Variants in CTNNA3 observed in about 807,000 individuals in gnomAD.
The protein encoded by CTNNA3 is catenin alpha 3, also known as catenin alpha-3.
Under a neutral mutation model 95.7 loss-of-function variants are expected in CTNNA3, and 76 were observed. The observed-to-expected ratio is 0.79, with a 90% confidence interval of 0.66 to 0.96. The LOEUF (loss-of-function observed/expected upper bound fraction) is 0.96. Ranked by LOEUF, CTNNA3 falls within the 40% of genes least tolerant of loss-of-function variation. The probability of loss-of-function intolerance (pLI) is 0.00; values close to 1 mark genes in which losing one functional copy is unlikely to be tolerated. For missense variants in CTNNA3, 1,191 were observed against 1,089.8 expected (o/e 1.09, Z -1.31); for synonymous variants, 431 against 374.4 (o/e 1.15, Z -1.74).
Position 66,103,195 on chromosome 10 carries a change from T to C in CTNNA3, c.1939A>G (p.Ser647Gly), listed in dbSNP as rs376927818. 6.2e-7 allele frequency: 1 copy of C among 1,614,166 alleles called. No homozygotes were observed. Among genetic ancestry groups the C allele is most frequent in the Non-Finnish European group, 8.5e-7 (1 of 1,180,008 alleles). The change falls in exon 14 of 18, where the codon AGT (serine) becomes GGT (glycine). Residue 647 changes from serine to glycine, a missense_variant. Transcript: ENST00000433211. ...CCTTCGGTCTGAATGCTGGTGTGAC[T>C]GCGGACCTCGTGTTCCTCTTCAAGG... ...SDLEEEHEVR[S>G]HTSIQTEGKT...
chr10:66,335,333 G>A (rs530081068), intron 12 of CTNNA3, among the ~76,000 whole-genome samples: 1 of 152,164 alleles, frequency 6.6e-6, no homozygotes, highest in Admixed American at 6.5e-5. Flanking sequence ...CAGTTTTTCT[G>A]CTTTGTTTTT....
intron 13 of CTNNA3, among the ~76,000 whole-genome samples, chr10:66,158,391 C>A (rs2084662633): frequency 6.6e-6 from 1 of 152,020 alleles, no homozygotes; most frequent in South Asian, 2.1e-4. Context: ...TATCCTAGTA[C>A]CATTTGTTGA....
In CTNNA3 at chr10:65,920,579, A is replaced by G. The variant is rs777374255; in HGVS notation, c.2439T>C (p.Asn813=). 9 of 1,614,144 alleles carry G rather than the reference A, an allele frequency of 5.6e-6. No homozygotes were observed. The highest frequency in any genetic ancestry group is 7.6e-6 in the Non-Finnish European group (9 of 1,179,992). Residue 813 remains asparagine, a synonymous_variant, in exon 18 of 18, where the codon AAT becomes AAC. Transcript: ENST00000433211. ...SVTSLIQAAK[N]LMNAVVQTVK... ...CTGTTTGCACTACAGCATTCATTAA[A>G]TTTTTGGCTGCTTGGATCAGGGATG... is the stretch of plus-strand genomic sequence containing the variant.
intron 11 of CTNNA3, among the ~76,000 whole-genome samples, chr10:66,382,460 A>T (rs2092848940): frequency 6.6e-6 from 1 of 152,074 alleles, no homozygotes; most frequent in Admixed American, 6.5e-5. Flanking sequence ...ACCGAGCTCA[A>T]CAAGGCCTAC....
rs1841352886 is a variant in CTNNA3, at chr10:67,743,181, C to T, written c.-2+20253G>A. On this transcript the variant is annotated intron_variant, in intron 1 of 17. Coordinates refer to the CTNNA3 transcript ENST00000684154. ...GCCAGCATCATCCTGATACCAAAGC[C>T]TGGCAGAGACACAACCAAAAAGAGA... is the stretch of plus-strand genomic sequence containing the variant. 1.3e-5 allele frequency among the ~76,000 whole-genome samples: 2 copies of T among 151,212 alleles called. 1 individual carries two copies. The highest frequency in any genetic ancestry group is 4.3e-4 in the South Asian group (2 of 4,698).
At chr10:66,941,145 A>C (rs1347944040) in intron 7 of CTNNA3, among the ~76,000 whole-genome samples, 2 of 152,252 alleles carry the variant, frequency 1.3e-5, no homozygotes, top group Non-Finnish European at 2.9e-5. Context: ...GTAGAGAGAC[A>C]ATATTTCCTC....
chr10:66,248,464 T>TA (rs1023333842), intron 13 of CTNNA3, among the ~76,000 whole-genome samples: 7 of 151,794 alleles, frequency 4.6e-5, no homozygotes, highest in Non-Finnish European at 8.8e-5. Flanking sequence ...GAATAGATTT[T>TA]AAAAAACCCA....
Position 66,190,914 on chromosome 10 carries a change from C to A in CTNNA3, c.1885-87665G>T, listed in dbSNP as rs1004243609. ...AGTGTAAATAGCAATGACCCCCTAGCGGATGACCTTCAGAAAGTATATCCC... is the reference window on the plus strand; with the variant it reads ...AGTGTAAATAGCAATGACCCCCTAGAGGATGACCTTCAGAAAGTATATCCC... On this transcript the variant is annotated intron_variant, in intron 13 of 17. Coordinates refer to ENST00000433211, the MANE Select transcript of CTNNA3 (RefSeq NM_013266.4). Among the ~76,000 whole-genome samples the A allele has an allele frequency of 5.3e-5, 8 of 152,092 alleles. No homozygotes were observed. In the East Asian group the frequency reaches 1.5e-3, roughly 29 times the overall value.
Position 67,759,022 on chromosome 10 carries a change from G to GT in CTNNA3, c.-2+4411dup, listed in dbSNP as rs537940627. On this transcript the variant is annotated intron_variant, in intron 1 of 17. Coordinates refer to the CTNNA3 transcript ENST00000684154. ...TAAGCTGCTTAGGTAGGAAAATCCT[G>GT]TAAGTACTAACTAGGATATATCTTC... Among the ~76,000 whole-genome samples, 693 of 152,168 alleles carry GT rather than the reference G, an allele frequency of 4.6e-3. 4 individuals are homozygous for GT. The highest frequency in any genetic ancestry group is 6.7e-3 in the Non-Finnish European group (456 of 68,002).
At chr10:65,967,044 C>T (rs778133865) in intron 16 of CTNNA3, among the ~76,000 whole-genome samples, 2 of 152,140 alleles carry the variant, frequency 1.3e-5, no homozygotes, top group Non-Finnish European at 2.9e-5. Context: ...GCAACCTCTG[C>T]CTCCCGGGTT....
At chr10:66,253,478 A>G (rs2132076736) in intron 13 of CTNNA3, among the ~76,000 whole-genome samples, 1 of 152,238 alleles carries the variant, frequency 6.6e-6, no homozygotes, top group South Asian at 2.1e-4. Context: ...ATTTACCTAC[A>G]CTATCCAATT....
chr10:66,416,888 T>C (rs1428984668), intron 11 of CTNNA3, among the ~76,000 whole-genome samples: 1 of 151,908 alleles, frequency 6.6e-6, no homozygotes, highest in African/African-American at 2.4e-5. Context: ...GAAGCAAACA[T>C]ACAAATGTGG....
At chr10:66,307,317 T>C (rs965614920) in intron 12 of CTNNA3, among the ~76,000 whole-genome samples, 1 of 152,202 alleles carries the variant, frequency 6.6e-6, no homozygotes, top group African/African-American at 2.4e-5. Context: ...ATAAGTTTTA[T>C]CATTATAGTA....
chr10:67,439,922 G>A (rs979570022), intron 5 of CTNNA3, among the ~76,000 whole-genome samples: 7 of 152,164 alleles, frequency 4.6e-5, no homozygotes, highest in African/African-American at 1.7e-4. Context: ...TGGGAACTAT[G>A]GTGAAAAATT....
intron 13 of CTNNA3, among the ~76,000 whole-genome samples, chr10:66,226,765 T>A (rs765842047): frequency 8.6e-5 from 13 of 152,018 alleles, no homozygotes; most frequent in Non-Finnish European, 1.6e-4. Context: ...TGTAGAGAAT[T>A]TTCAACTCCT....
intron 5 of CTNNA3, among the ~76,000 whole-genome samples, chr10:67,456,674 T>C: frequency 6.6e-6 from 1 of 152,186 alleles, no homozygotes. Context: ...AATTCCTTAA[T>C]TGACTAAAAA....
intron 5 of CTNNA3, among the ~76,000 whole-genome samples, chr10:67,342,060 G>T (rs1589189587): frequency 7.4e-6 from 1 of 135,076 alleles, no homozygotes; most frequent in South Asian, 2.4e-4. Flanking sequence ...TAGTTTCCCA[G>T]TATATATTTT....
At position 66,493,903 on chromosome 10, in the gene CTNNA3, CTTTTTTT is replaced by C. The variant is rs1181967222; in HGVS notation, c.1531+26707_1531+26713del. ...TACAGGCGTGAGCCACTGCGCCGGC[CTTTTTTT>C]TTTTTTTTTTTTTTTGAGACTGAGT... On this transcript the variant is annotated intron_variant, in intron 11 of 17. Coordinates refer to ENST00000433211, the MANE Select transcript of CTNNA3 (RefSeq NM_013266.4). Among the ~76,000 whole-genome samples, 4 of 98,146 alleles carry C rather than the reference CTTTTTTT, an allele frequency of 4.1e-5. No homozygotes were observed. The East Asian group carries it at 1.2e-3, about 29-fold the overall frequency. The allele number at this position is 98,146 out of a possible 152,430, so 64.4% of individuals were successfully genotyped here.
intron 7 of CTNNA3, among the ~76,000 whole-genome samples, chr10:67,074,741 CTG>C (rs1245669479): frequency 6.7e-6 from 1 of 148,926 alleles, no homozygotes. Flanking sequence ...TGTGTAGATT[CTG>C]TCTTATGCCA....
Sources: allele counts gnomAD v4.1 joint callset (sites outside exome capture counted in the v4.1 genomes callset), GRCh38; gene constraint gnomAD v4.1.1; transcripts MANE v1.5; gene names NCBI Gene and HGNC (gene_info 2026-07-23, HGNC 2026-07-21).